PPFIBP2: variants seen among roughly 807,000 people sequenced by gnomAD.
PPFIBP2 encodes PPFIB scaffold protein 2, also known as liprin-beta-2.
In PPFIBP2, 118 loss-of-function variants were observed where a neutral mutation model predicts 118.3. The observed-to-expected ratio is 1.00, with a 90% CI of 0.86 to 1.16. The LOEUF is 1.16. Ranked by LOEUF, PPFIBP2 falls within the 50% of genes most tolerant of loss-of-function variation. The pLI is 0.00. For missense variants in PPFIBP2, 1,195 were observed against 1,073.1 expected (o/e 1.11, Z -1.59); for synonymous variants, 414 against 397.4 (o/e 1.04, Z -0.50).
At chr11:7,661,034 CTCT>C (rs1346244203), downstream of PPFIBP2, among the ~76,000 whole-genome samples, 2 of 151,868 alleles carry the variant, frequency 1.3e-5, no homozygotes, top group Non-Finnish European at 2.9e-5. Context: ...TGATTCTTCT[CTCT>C]TTTTTTCTTT....
At position 7,577,711 on chromosome 11, in the gene PPFIBP2, GTGTGTGTGCC is replaced by G. The variant is rs1268071305; in HGVS notation, c.279+11953_279+11962del. 3.3e-5 allele frequency: 15 copies of G among 455,626 alleles called. No homozygotes were observed. In the East Asian group the frequency reaches 9.0e-4, roughly 27 times the overall value. The allele number at this position is 455,626 out of a possible 1,614,324, so 28.2% of individuals were successfully genotyped here. On this transcript the variant is annotated intron_variant, in intron 3 of 23. Transcript: ENST00000299492. ...GGGAGACGCTTTGGGGTGTTTTGGG[GTGTGTGTGCC>G]TGTGTGTGGTAGGGGGAGGTATTGT...
Position 7,581,691 on chromosome 11 carries a change from A to G in PPFIBP2, c.280-11441A>G, listed in dbSNP as rs552559473. Among the ~76,000 whole-genome samples the G allele has an allele frequency of 2.6e-5, 4 of 152,338 alleles. No homozygotes were observed. The East Asian group carries it at 5.8e-4, about 22-fold the overall frequency. On this transcript the variant is annotated intron_variant, in intron 3 of 23. Coordinates refer to ENST00000299492, the MANE Select transcript of PPFIBP2 (RefSeq NM_003621.5). The stretch of plus-strand genomic sequence containing the variant: ...AGCAGCTTCTGTGAAGGCTGTTCCT[A>G]CTAGTTAAGAGCATGGATCCTGGAT...
At chr11:7,633,968 A>G (rs1851114150) in intron 12 of PPFIBP2, among the ~76,000 whole-genome samples, 1 of 152,176 alleles carries the variant, frequency 6.6e-6, no homozygotes, top group East Asian at 1.9e-4. Flanking sequence ...AGACCCTGAG[A>G]GAGCCAGATG....
chr11:7,651,874 C>G (rs778088360), intron 23 of PPFIBP2, 30 bp downstream of exon 23: 1 of 1,586,804 alleles, frequency 6.3e-7, no homozygotes, highest in Non-Finnish European at 8.6e-7. Context: ...TGGGTGGGCC[C>G]TGGGCTGCCT....
intron 2 of PPFIBP2, among the ~76,000 whole-genome samples, chr11:7,562,027 G>GT (rs1313854917): frequency 6.6e-6 from 1 of 152,204 alleles, no homozygotes; most frequent in African/African-American, 2.4e-5. Flanking sequence ...CCAGGCATTT[G>GT]TTAGATTCTG....
Position 7,629,501 on chromosome 11 carries a change from C to A in PPFIBP2, c.931C>A (p.Arg311=), listed in dbSNP as rs756766040. 6.2e-7 allele frequency: 1 copy of A among 1,614,040 alleles called. No homozygotes were observed. Among genetic ancestry groups the A allele is most frequent in the Non-Finnish European group, 8.5e-7 (1 of 1,179,976 alleles). ...EELTGLLNQY[R]KVKEIVMVTQ... ...GCTTACGGGGCTGTTAAACCAGTAC[C>A]GGAAGGTAAAGGAGATTGTGATGGT... The change falls in exon 10 of 24, where the codon CGG becomes AGG. Residue 311 remains arginine (R), a synonymous_variant. Coordinates refer to ENST00000299492, the MANE Select transcript of PPFIBP2 (RefSeq NM_003621.5).
At chr11:7,531,487 A>G (rs1345978599) in intron 1 of PPFIBP2, among the ~76,000 whole-genome samples, 1 of 152,224 alleles carries the variant, frequency 6.6e-6, no homozygotes, top group African/African-American at 2.4e-5. Flanking sequence ...CAAAGAATAC[A>G]GATAAAGGAA....
At chr11:7,665,793 C>T in the PPFIBP2 span, 2 of 1,488,470 alleles carry the variant, frequency 1.3e-6, no homozygotes, top group Non-Finnish European at 1.8e-6. Flanking sequence ...CAGCTGTCAG[C>T]ATTGACGAGG....
chr11:7,634,006 G>C (rs1388977310), intron 12 of PPFIBP2, among the ~76,000 whole-genome samples: 2 of 152,142 alleles, frequency 1.3e-5, no homozygotes, highest in Admixed American at 6.5e-5. Context: ...TGGGCATGCA[G>C]ATCCAGAGCA....
intron 10 of PPFIBP2, 108 bp downstream of exon 10, chr11:7,629,642 A>T: frequency 9.4e-7 from 1 of 1,067,274 alleles, no homozygotes. Context: ...TTCAGAGAAG[A>T]CTCCCTACTG....
chr11:7,545,664 TC>T (rs1468330988), intron 1 of PPFIBP2, among the ~76,000 whole-genome samples: 4 of 148,964 alleles, frequency 2.7e-5, no homozygotes, highest in Non-Finnish European at 5.9e-5. Context: ...GAGCGTGTCC[TC>T]CAAGGATAAG....
chr11:7,544,570 C>T (rs941119458), intron 1 of PPFIBP2, among the ~76,000 whole-genome samples: 4 of 151,834 alleles, frequency 2.6e-5, no homozygotes, highest in Non-Finnish European at 4.4e-5. Context: ...GTCAGGAGAT[C>T]GAGACCATCC....
intron 11 of PPFIBP2, 169 bp from the exon 12 acceptor site, chr11:7,632,698 C>T: frequency 1.1e-5 from 6 of 565,784 alleles, no homozygotes; most frequent in Non-Finnish European, 1.9e-5. Flanking sequence ...AAGCCTACCA[C>T]ACCCCCTTGC....
chr11:7,624,958 C>G (rs111739704), intron 7 of PPFIBP2, among the ~76,000 whole-genome samples: 2,528 of 152,274 alleles, frequency 0.017, 60 homozygotes, highest in African/African-American at 0.058. Context: ...CGGACAGGAC[C>G]TATACAATTC....
the PPFIBP2 span, chr11:7,665,624 C>T: frequency 3.5e-6 from 5 of 1,447,566 alleles, no homozygotes; most frequent in African/African-American, 5.7e-5. Flanking sequence ...GCACACCCAC[C>T]CTCAGCCAGG....
intron 3 of PPFIBP2, among the ~76,000 whole-genome samples, chr11:7,574,289 C>G (rs1185153462): frequency 6.6e-6 from 1 of 152,146 alleles, no homozygotes; most frequent in Non-Finnish European, 1.5e-5. Flanking sequence ...TTTGTGTACC[C>G]TTTGTGCTTC....
intron 4 of PPFIBP2, chr11:7,597,272 AGAGGCAGCTCCTGTGGCTGTTGG>A: frequency 6.5e-7 from 1 of 1,535,480 alleles, no homozygotes; most frequent in Non-Finnish European, 8.7e-7. Flanking sequence ...AGTCCAGCCC[AGAGGCAGCTCCTGTGGCTGTTGG>A]GTGTTTTACT....
At chr11:7,610,893 C>T (rs1357961860) in intron 6 of PPFIBP2, among the ~76,000 whole-genome samples, 3 of 152,226 alleles carry the variant, frequency 2.0e-5, no homozygotes, top group African/African-American at 4.8e-5. Flanking sequence ...TCTTATGGAG[C>T]ATGCCATGTG....
intron 5 of PPFIBP2, among the ~76,000 whole-genome samples, chr11:7,605,575 G>A (rs1797886168): frequency 6.6e-6 from 1 of 152,238 alleles, no homozygotes. Context: ...AAATGCACAT[G>A]AGGCCTGTTA....
Sources: gnomAD v4.1 joint callset for allele counts (sites outside exome capture counted in the v4.1 genomes callset) on GRCh38, gnomAD v4.1.1 for gene constraint, MANE v1.5 for transcripts, NCBI Gene and HGNC (gene_info 2026-07-23, HGNC 2026-07-21) for gene names.